Variants in LAMA2 observed in about 807,000 individuals in gnomAD.
The protein encoded by LAMA2 is laminin subunit alpha 2, also known as laminin subunit alpha-2.
In LAMA2, 269 loss-of-function variants were observed where a neutral mutation model predicts 364.8. The ratio of observed to expected loss-of-function variants is 0.74; its 90% CI spans 0.67 to 0.82. The LOEUF is 0.82. Ranked by LOEUF, LAMA2 falls within the 40% of genes least tolerant of loss-of-function variation. LAMA2 has a pLI of 0.00. For missense variants in LAMA2, 3,807 were observed against 3,873.2 expected, an observed-to-expected ratio of 0.98 and a Z score of 0.45; for synonymous variants, 1,379 against 1,370.6, an observed-to-expected ratio of 1.01 and a Z score of -0.14.
intron 57 of LAMA2, 92 bp downstream of exon 57, chr6:129,492,169 C>A: frequency 7.1e-7 from 1 of 1,405,646 alleles, no homozygotes; most frequent in Non-Finnish European, 1.0e-6. Context: ...TACAGCTATG[C>A]AGGGGAGGAG....
At chr6:129,117,790 T>G (rs889543079) in intron 4 of LAMA2, among the ~76,000 whole-genome samples, 1 of 152,202 alleles carries the variant, frequency 6.6e-6, no homozygotes, top group African/African-American at 2.4e-5. Flanking sequence ...TGTACACTCT[T>G]GTTGTTCCCA....
chr6:129,342,210 T>C (rs753922840), intron 29 of LAMA2, 133 bp from the exon 30 acceptor site: 7 of 712,364 alleles, frequency 9.8e-6, no homozygotes, highest in African/African-American at 1.7e-5. Flanking sequence ...TGATAAAGTG[T>C]GTGTGTGAGT....
intron 7 of LAMA2, among the ~76,000 whole-genome samples, chr6:129,152,725 C>T (rs1004091999): frequency 6.6e-6 from 1 of 152,156 alleles, no homozygotes; most frequent in Non-Finnish European, 1.5e-5. Context: ...ACCCGGCATC[C>T]TTGTCCTCCC....
At chr6:129,461,152 A>C (rs562122311) in intron 49 of LAMA2, among the ~76,000 whole-genome samples, 1 of 152,150 alleles carries the variant, frequency 6.6e-6, no homozygotes, top group Admixed American at 6.6e-5. Context: ...AACATACTTT[A>C]AATACCTGCA....
At chr6:129,460,692 C>A (rs1583805666) in intron 49 of LAMA2, among the ~76,000 whole-genome samples, 2 of 151,810 alleles carry the variant, frequency 1.3e-5, no homozygotes, top group Admixed American at 1.3e-4. Context: ...CTAAAGAGAG[C>A]TTTCCCCAAA....
chr6:129,122,784 G>C (rs1267830863), intron 4 of LAMA2, among the ~76,000 whole-genome samples: 1 of 152,038 alleles, frequency 6.6e-6, no homozygotes, highest in African/African-American at 2.4e-5. Flanking sequence ...TTGAATCTAG[G>C]CTCTGCCACT....
intron 3 of LAMA2, among the ~76,000 whole-genome samples, chr6:129,063,650 T>G (rs189464122): frequency 1.5e-3 from 231 of 152,218 alleles, no homozygotes; most frequent in Non-Finnish European, 2.7e-3. Flanking sequence ...TCACTTCTCT[T>G]CCTGGTCTAT....
intron 38 of LAMA2, among the ~76,000 whole-genome samples, chr6:129,402,075 G>C (rs1433734471): frequency 1.3e-5 from 2 of 151,870 alleles, no homozygotes; most frequent in African/African-American, 2.4e-5. Context: ...TGGGTGTGGT[G>C]GTGGGCACCT....
chr6:129,058,701 A>G (rs1463453160), intron 2 of LAMA2, among the ~76,000 whole-genome samples: 1 of 152,170 alleles, frequency 6.6e-6, no homozygotes, highest in Non-Finnish European at 1.5e-5. Context: ...CCAAGGGAAA[A>G]CTTCTCTTTT....
At chr6:129,102,104 G>C (rs563204366) in intron 4 of LAMA2, among the ~76,000 whole-genome samples, 6 of 149,718 alleles carry the variant, frequency 4.0e-5, no homozygotes, top group African/African-American at 1.5e-4. Context: ...AAATTTCTCT[G>C]GTTCATTTTC....
chr6:129,175,499 T>A, intron 9 of LAMA2, among the ~76,000 whole-genome samples: 1 of 152,364 alleles, frequency 6.6e-6, no homozygotes, highest in Middle Eastern at 3.4e-3. Flanking sequence ...AGTTAGAATT[T>A]GCTTCATAAA....
chr6:129,446,218 G>A (rs982893244), intron 45 of LAMA2, among the ~76,000 whole-genome samples: 2 of 151,622 alleles, frequency 1.3e-5, no homozygotes, highest in African/African-American at 4.8e-5. Context: ...AGGAATGAAG[G>A]AACAATATAC....
chr6:129,068,850 T>G (rs1244317495), intron 3 of LAMA2, among the ~76,000 whole-genome samples: 1 of 152,224 alleles, frequency 6.6e-6, no homozygotes, highest in Non-Finnish European at 1.5e-5. Context: ...TTTTTGTTTT[T>G]TGCTTGACAT....
At chr6:129,406,390 G>A (rs1449791042) in intron 40 of LAMA2, among the ~76,000 whole-genome samples, 1 of 152,112 alleles carries the variant, frequency 6.6e-6, no homozygotes, top group Non-Finnish European at 1.5e-5. Flanking sequence ...GTTATTTTAA[G>A]AATTTAGACA....
Position 129,147,172 on chromosome 6 carries a change from G to A in LAMA2, c.909+124G>A, listed in dbSNP as rs1240819237. On this transcript the variant is annotated intron_variant, in intron 6 of 64. Coordinates refer to ENST00000421865, the MANE Select transcript of LAMA2 (RefSeq NM_000426.4). ...AGGTCCCCACTTAGACAGTGTAACA[G>A]AAATCCATGCCAGGGTGAAATAAGA... is the stretch of plus-strand genomic sequence containing the variant. 39 of 730,630 alleles carry A rather than the reference G, an allele frequency of 5.3e-5. No individual in the cohort carries two copies. The East Asian group carries it at 1.0e-3, about 19-fold the overall frequency. The allele number at this position is 730,630 out of a possible 1,614,324, so 45.3% of individuals were successfully genotyped here. A position where few individuals can be genotyped will look rare whatever the true frequency, so the allele number is the denominator to read the frequency against.
At chr6:129,366,030 G>C (rs1777754143) in intron 32 of LAMA2, among the ~76,000 whole-genome samples, 189 bp from the exon 33 acceptor site, 1 of 152,062 alleles carries the variant, frequency 6.6e-6, no homozygotes, top group Admixed American at 6.5e-5. Flanking sequence ...ATGCATATCT[G>C]TTCTTTTGTT....
At chr6:129,228,183 G>T (rs972634171) in intron 12 of LAMA2, among the ~76,000 whole-genome samples, 1 of 152,194 alleles carries the variant, frequency 6.6e-6, no homozygotes, top group Non-Finnish European at 1.5e-5. Context: ...TTGGAAAAGC[G>T]TGGTATTAGG....
At chr6:129,086,824 G>A (rs1256163307) in intron 3 of LAMA2, among the ~76,000 whole-genome samples, 1 of 152,200 alleles carries the variant, frequency 6.6e-6, no homozygotes, top group Admixed American at 6.5e-5. Context: ...GGTGTGGGTA[G>A]TATTGCATTT....
Position 129,464,376 on chromosome 6 carries a change from A to T in LAMA2, c.7079A>T (p.Asn2360Ile). The change falls in exon 50 of 65, where the codon AAC (asparagine) becomes ATC (isoleucine). Residue 2360 changes from asparagine to isoleucine, a missense_variant. Coordinates refer to ENST00000421865, the MANE Select transcript of LAMA2 (RefSeq NM_000426.4). Reference protein sequence around the residue: ...LVSRPIRWYPNISTVMFKFRT... With the variant: ...LVSRPIRWYPIISTVMFKFRT... ...AGCCGTCCCATTCGCTGGTACCCCA[A>T]CATCTCCACTGTCATGTTCAAGTTC... The T allele has an allele frequency of 6.2e-7, 1 of 1,612,244 alleles. No individual in the cohort carries two copies. The highest frequency in any genetic ancestry group is 8.5e-7 in the Non-Finnish European group (1 of 1,178,608).
Sources: allele counts gnomAD v4.1 joint callset (sites outside exome capture counted in the v4.1 genomes callset), GRCh38; gene constraint gnomAD v4.1.1; transcripts MANE v1.5; gene names NCBI Gene and HGNC (gene_info 2026-07-23, HGNC 2026-07-21).